TBX15: variants seen among roughly 807,000 people sequenced by gnomAD.
TBX15 encodes the protein T-box transcription factor TBX15.
A neutral mutation model predicts 53.9 loss-of-function variants in TBX15; 18 were observed. The observed-to-expected ratio is 0.33, with a 90% CI of 0.23 to 0.49. The LOEUF (loss-of-function observed/expected upper bound fraction) is 0.49. TBX15 is among the 20% of genes least tolerant of loss of function. The pLI, the probability that TBX15 is intolerant of heterozygous loss-of-function variation, is 0.98. For synonymous variants in TBX15, 295 were observed against 278.0 expected, an observed-to-expected ratio of 1.06 and a Z score of -0.61; for missense variants, 692 against 749.5, an observed-to-expected ratio of 0.92 and a Z score of 0.90.
intron 5 of TBX15, among the ~76,000 whole-genome samples, chr1:118,921,438 T>C (rs1655421546): frequency 6.6e-6 from 1 of 152,152 alleles, no homozygotes; most frequent in Non-Finnish European, 1.5e-5. Context: ...TCATTTAAAA[T>C]CATGCAGAAA....
Position 118,924,660 on chromosome 1 carries a change from C to G in TBX15, c.679G>C (p.Asp227His). 6.2e-7 allele frequency: 1 copy of G among 1,614,004 alleles called. No homozygotes were observed. Among genetic ancestry groups the G allele is most frequent in the South Asian group, 1.1e-5 (1 of 91,070 alleles). The change falls in exon 4 of 8, where the codon GAT becomes CAT. Residue 227 changes from aspartate (D) to histidine (H), a missense_variant. This residue lies in a region of TBX15 where 307 missense variants were observed against 347.5 expected (regional missense o/e 0.88). Transcript: ENST00000369429. ...DKLKLTNNEL[D>H]DQGHIILHSM... ...CTTTGACTCACATGTCCTTGATCATCCAACTCATTGTTGGTAAGCTTGAGT... is the reference window on the plus strand; with the variant it reads ...CTTTGACTCACATGTCCTTGATCATGCAACTCATTGTTGGTAAGCTTGAGT...
chr1:118,946,556 G>C (rs1656353909), intron 1 of TBX15, among the ~76,000 whole-genome samples: 1 of 152,214 alleles, frequency 6.6e-6, no homozygotes, highest in Non-Finnish European at 1.5e-5. Flanking sequence ...CCCTCAGCCA[G>C]ATATTTACAA....
intron 1 of TBX15, among the ~76,000 whole-genome samples, chr1:118,955,922 A>T (rs888030563): frequency 6.6e-6 from 1 of 152,062 alleles, no homozygotes; most frequent in Non-Finnish European, 1.5e-5. Context: ...GTCTTCAAAG[A>T]CCTCTCATCC....
chr1:118,897,013 C>T (rs757066271), intron 7 of TBX15, among the ~76,000 whole-genome samples: 16 of 151,062 alleles, frequency 1.1e-4, no homozygotes, highest in South Asian at 2.1e-4. Context: ...TCTTCTCTTC[C>T]GATAAAAGTG....
intron 1 of TBX15, among the ~76,000 whole-genome samples, chr1:118,981,539 TA>T (rs1281617135): frequency 6.6e-6 from 1 of 152,214 alleles, no homozygotes; most frequent in Non-Finnish European, 1.5e-5. Context: ...AAATGAAAAG[TA>T]GTCATTTGCA....
intron 1 of TBX15, among the ~76,000 whole-genome samples, chr1:118,968,743 A>T (rs1309284014): frequency 6.6e-6 from 1 of 152,094 alleles, no homozygotes; most frequent in Non-Finnish European, 1.5e-5. Flanking sequence ...TTGGTGCCCC[A>T]CTTCCCATCT....
intron 1 of TBX15, among the ~76,000 whole-genome samples, chr1:118,944,886 C>G (rs536693977): frequency 6.6e-6 from 1 of 152,154 alleles, no homozygotes; most frequent in Non-Finnish European, 1.5e-5. Flanking sequence ...CCTGGGCTTG[C>G]GATTCGAGCA....
intron 1 of TBX15, among the ~76,000 whole-genome samples, chr1:118,947,237 C>T (rs1387331597): frequency 6.6e-6 from 1 of 152,230 alleles, no homozygotes; most frequent in African/African-American, 2.4e-5. Flanking sequence ...ATGAGAAGAA[C>T]ATTTTGGTGA....
At chr1:118,985,728 A>T (rs60957719) in intron 1 of TBX15, among the ~76,000 whole-genome samples, 2,163 of 152,318 alleles carry the variant, frequency 0.014, 48 homozygotes, top group African/African-American at 0.049. Context: ...ATGATAACGT[A>T]ATGGGAAATG....
intron 1 of TBX15, among the ~76,000 whole-genome samples, chr1:118,955,499 T>C (rs1325562630): frequency 2.0e-5 from 3 of 152,106 alleles, no homozygotes; most frequent in African/African-American, 7.2e-5. Context: ...AGGGCCCTGC[T>C]CCCAAGGCTT....
intron 1 of TBX15, among the ~76,000 whole-genome samples, chr1:118,935,167 C>G (rs988926451): frequency 6.6e-6 from 1 of 152,104 alleles, no homozygotes; most frequent in East Asian, 1.9e-4. Flanking sequence ...AAAATTTAAT[C>G]TTTTGTAAAA....
At chr1:118,950,045 GA>G (rs1656466668) in intron 1 of TBX15, among the ~76,000 whole-genome samples, 1 of 152,280 alleles carries the variant, frequency 6.6e-6, no homozygotes, top group African/African-American at 2.4e-5. Flanking sequence ...TATCTGGCTT[GA>G]AAAACCAGCT....
At chr1:118,897,687 G>C (rs767795607) in intron 7 of TBX15, among the ~76,000 whole-genome samples, 2 of 152,092 alleles carry the variant, frequency 1.3e-5, no homozygotes, top group African/African-American at 4.8e-5. Flanking sequence ...TCAAAGACGG[G>C]GGCCTAGATT....
At position 118,923,647 on chromosome 1, in the gene TBX15, C is replaced by G. The variant is rs377226325; in HGVS notation, c.694-44G>C. 3.7e-5 allele frequency: 60 copies of G among 1,612,046 alleles called. No individual in the cohort carries two copies. The East Asian group carries it at 1.2e-3, about 32-fold the overall frequency. On this transcript the variant is annotated intron_variant, in intron 4 of 7. Transcript: ENST00000369429. ...TTGTACCAGGCTTGGCTTTAAGGAA[C>G]CTACATTTTGTTCTCATGCAAAAAT... is the stretch of plus-strand genomic sequence containing the variant.
chr1:118,911,088 A>G (rs542648540), intron 6 of TBX15, among the ~76,000 whole-genome samples: 6 of 152,328 alleles, frequency 3.9e-5, no homozygotes, highest in Admixed American at 2.6e-4. Flanking sequence ...AACTGTTAGC[A>G]TGATAAAGCA....
At chr1:118,933,084 A>G (rs1655852818) in intron 1 of TBX15, among the ~76,000 whole-genome samples, 1 of 152,184 alleles carries the variant, frequency 6.6e-6, no homozygotes, top group Non-Finnish European at 1.5e-5. Flanking sequence ...AGAATGCCCA[A>G]TCACGTTGCT....
At chr1:118,980,323 T>C (rs1453246674) in intron 1 of TBX15, among the ~76,000 whole-genome samples, 1 of 152,098 alleles carries the variant, frequency 6.6e-6, no homozygotes, top group African/African-American at 2.4e-5. Context: ...AGTTGACAAC[T>C]AAAAGCTAAA....
intron 7 of TBX15, among the ~76,000 whole-genome samples, chr1:118,890,161 A>G (rs1199366940): frequency 6.6e-6 from 1 of 152,202 alleles, no homozygotes; most frequent in Non-Finnish European, 1.5e-5. Context: ...TAGGCCAGGT[A>G]GCAGCTAAGG....
Position 118,884,373 on chromosome 1 carries a change from T to A in TBX15, c.*359A>T. On this transcript the variant is annotated 3_prime_UTR_variant, in exon 8 of 8. Transcript: ENST00000369429. Reference sequence around the variant, plus strand: ...GTATGTATAGGTAGGTCTGTCTGTATGTGGGTGTGTATGTGTAACTTTTCA... The same window carrying A: ...GTATGTATAGGTAGGTCTGTCTGTAAGTGGGTGTGTATGTGTAACTTTTCA... The A allele has an allele frequency of 2.9e-6, 1 of 342,248 alleles. No individual in the cohort carries two copies. The highest frequency in any genetic ancestry group is 5.5e-6 in the Non-Finnish European group (1 of 180,958). 21.2% of individuals were successfully genotyped at this position (342,248 alleles called of 1,614,324 possible).
Sources: gnomAD v4.1 joint callset for allele counts (sites outside exome capture counted in the v4.1 genomes callset) on GRCh38, gnomAD v4.1.1 for gene constraint, gnomAD v4.1.1 regional missense constraint, MANE v1.5 for transcripts, NCBI Gene and HGNC (gene_info 2026-07-23, HGNC 2026-07-21) for gene names.